Variants in DOCK1 observed in about 807,000 individuals in gnomAD.
DOCK1 encodes dedicator of cytokinesis 1.
DOCK1 carries 138 observed loss-of-function variants against 262.7 expected under a neutral mutation model. That is an observed-to-expected ratio of 0.53 (90% CI 0.46 to 0.61). The LOEUF is 0.61. Ranked by LOEUF, DOCK1 falls within the 20% of genes least tolerant of loss-of-function variation. The pLI, the probability that DOCK1 is intolerant of heterozygous loss-of-function variation, is 0.00. For missense variants in DOCK1, 1,908 were observed against 2,370.7 expected (o/e 0.80, Z 4.05); for synonymous variants, 866 against 867.4 (o/e 1.00, Z 0.03).
chr10:127,049,491 A>G (rs747929822), intron 21 of DOCK1, among the ~76,000 whole-genome samples: 6 of 152,328 alleles, frequency 3.9e-5, no homozygotes, highest in Non-Finnish European at 8.8e-5. Context: ...ACTGCACGCC[A>G]GCCTGAGTGA....
chr10:127,380,857 C>T (rs983887204), intron 36 of DOCK1, among the ~76,000 whole-genome samples: 2 of 152,188 alleles, frequency 1.3e-5, no homozygotes, highest in Admixed American at 1.3e-4. Flanking sequence ...AATTTAATAA[C>T]TCAGTTACCT....
intron 29 of DOCK1, among the ~76,000 whole-genome samples, chr10:127,285,945 G>C (rs559023866): frequency 2.0e-4 from 31 of 152,182 alleles, no homozygotes; most frequent in Non-Finnish European, 3.4e-4. Flanking sequence ...CGAGCCTGAG[G>C]CTGGCTCCCC....
In DOCK1 at chr10:127,232,892, C is replaced by A. The variant is rs188269598; in HGVS notation, c.2848-15116C>A. Among the ~76,000 whole-genome samples the A allele has an allele frequency of 2.9e-3, 436 of 152,174 alleles. 2 individuals carry two copies. The highest frequency in any genetic ancestry group is 1.0e-2 in the African/African-American group (415 of 41,520). On this transcript the variant is annotated intron_variant, in intron 27 of 51. Transcript: ENST00000623213. ...TAGTACTACTTTGCGGATTTACCTCCCACTGCATGCTGTTAAGATCTCATC... is the reference window on the plus strand; with the variant it reads ...TAGTACTACTTTGCGGATTTACCTCACACTGCATGCTGTTAAGATCTCATC...
At position 127,264,965 on chromosome 10, in the gene DOCK1, G is replaced by A. The variant is rs557084935; in HGVS notation, c.3044+7536G>A. ...ATTACAGGCATGAGCCACCACACCC[G>A]GCCATGATGTAGATCTTTATATAGG... On this transcript the variant is annotated intron_variant, in intron 29 of 51. Transcript: ENST00000623213. Among the ~76,000 whole-genome samples, 83 of 152,272 alleles carry A rather than the reference G, an allele frequency of 5.5e-4. 1 individual carries two copies. Among genetic ancestry groups the A allele is most frequent in the African/African-American group, 1.7e-3 (72 of 41,576 alleles).
intron 1 of DOCK1, among the ~76,000 whole-genome samples, chr10:126,911,106 T>A (rs1268470962): frequency 6.6e-6 from 1 of 152,200 alleles, no homozygotes; most frequent in Non-Finnish European, 1.5e-5. Flanking sequence ...ATGTTTAGCT[T>A]TTTAAGAAAC....
intron 29 of DOCK1, among the ~76,000 whole-genome samples, chr10:127,259,629 C>A (rs2059946238): frequency 6.6e-6 from 1 of 152,124 alleles, no homozygotes; most frequent in East Asian, 1.9e-4. Context: ...CCCAGCAGAG[C>A]AGCACGTCCT....
At chr10:126,919,068 G>A (rs948078031) in intron 1 of DOCK1, among the ~76,000 whole-genome samples, 5 of 152,082 alleles carry the variant, frequency 3.3e-5, no homozygotes, top group African/African-American at 1.2e-4. Context: ...CCTTCTGAGA[G>A]ACAAACATGA....
rs962415278 is a variant in DOCK1 at position 127,012,511 on chromosome 10, T to A, written c.1201+137T>A. The A allele has an allele frequency of 2.6e-6, 2 of 763,568 alleles. No individual in the cohort carries two copies. The highest frequency in any genetic ancestry group is 2.6e-4 in the Middle Eastern group (1 of 3,918). 47.3% of individuals were successfully genotyped at this position (763,568 alleles called of 1,614,324 possible). A position where few individuals can be genotyped will look rare whatever the true frequency, so the allele number is the denominator to read the frequency against. ...GGATGACAGTGATCGTGGTGGAGAA[T>A]GTGTGTGACAGTTGCCCCTGTGTAC... On this transcript the variant is annotated intron_variant, in intron 12 of 51. Transcript: ENST00000623213. This position sits in a 1 kb window ranked among gnomAD's most constrained non-coding sequence, Gnocchi z 4.0.
At chr10:127,115,627 A>G (rs572523893) in intron 25 of DOCK1, among the ~76,000 whole-genome samples, 1 of 152,392 alleles carries the variant, frequency 6.6e-6, no homozygotes, top group East Asian at 1.9e-4. Flanking sequence ...ATTAAACACT[A>G]GAACACTGAC....
chr10:127,251,268 C>T (rs895323816), intron 28 of DOCK1, among the ~76,000 whole-genome samples: 9 of 152,204 alleles, frequency 5.9e-5, no homozygotes, highest in African/African-American at 2.2e-4. Flanking sequence ...CATGAGCCAC[C>T]ACGCCCGGCT....
chr10:127,243,684 G>A (rs1040801272), intron 27 of DOCK1, among the ~76,000 whole-genome samples: 10 of 152,160 alleles, frequency 6.6e-5, no homozygotes, highest in African/African-American at 1.9e-4. Flanking sequence ...CCCTCCAGGA[G>A]CAGTGCCAGG....
chr10:127,452,242 T>G lies in DOCK1; in HGVS notation c.*815T>G, dbSNP rs2071009713. The stretch of plus-strand genomic sequence containing the variant: ...ATTTTTGTGGTCCTTCCGTTTATTA[T>G]AATAGGCGTCCACCAATGATTATCC... On this transcript the variant is annotated 3_prime_UTR_variant, in exon 52 of 52. Coordinates refer to ENST00000623213, the MANE Select transcript of DOCK1 (RefSeq NM_001290223.2). The G allele has an allele frequency of 6.6e-6, 1 of 152,556 alleles. No individual in the cohort carries two copies. Among genetic ancestry groups the G allele is most frequent in the African/African-American group, 2.4e-5 (1 of 41,428 alleles). The allele number at this position is 152,556 out of a possible 1,614,324, so 9.5% of individuals were successfully genotyped here.
At chr10:127,182,859 G>A (rs539160840) in intron 27 of DOCK1, among the ~76,000 whole-genome samples, 2 of 152,076 alleles carry the variant, frequency 1.3e-5, no homozygotes, top group East Asian at 1.9e-4. Context: ...CTTTAGTTAC[G>A]ATAGCAGGTG....
chr10:126,978,516 C>G (rs1244738440), intron 3 of DOCK1, among the ~76,000 whole-genome samples: 1 of 152,134 alleles, frequency 6.6e-6, no homozygotes, highest in East Asian at 1.9e-4. Context: ...TGTAATTACA[C>G]CTCGGATCAT....
intron 29 of DOCK1, among the ~76,000 whole-genome samples, chr10:127,288,007 G>C (rs944652995): frequency 4.6e-5 from 7 of 152,270 alleles, no homozygotes; most frequent in Middle Eastern, 6.8e-3. Flanking sequence ...TACCCTGAGA[G>C]TGTTTATTAA....
At chr10:127,011,936 C>T (rs2041485466) in intron 11 of DOCK1, among the ~76,000 whole-genome samples, 1 of 152,152 alleles carries the variant, frequency 6.6e-6, no homozygotes, top group Non-Finnish European at 1.5e-5. Flanking sequence ...TTCAGACAAG[C>T]TCCTTTTTTT....
chr10:127,140,450 C>T (rs2051120645), intron 27 of DOCK1, among the ~76,000 whole-genome samples: 1 of 152,212 alleles, frequency 6.6e-6, no homozygotes, highest in African/African-American at 2.4e-5. Flanking sequence ...GGTCCGCCCC[C>T]CAGCCCATCT....
chr10:127,231,796 A>G (rs1252141562), intron 27 of DOCK1, among the ~76,000 whole-genome samples: 2 of 152,054 alleles, frequency 1.3e-5, no homozygotes, highest in African/African-American at 2.4e-5. Flanking sequence ...TTGCCTTTTA[A>G]TGTTCTTTCA....
intron 23 of DOCK1, among the ~76,000 whole-genome samples, chr10:127,098,536 C>G (rs1364728418): frequency 2.0e-5 from 3 of 152,138 alleles, no homozygotes; most frequent in Admixed American, 2.0e-4. Context: ...CCCACAGCCC[C>G]TTGAGGCAGG....
Sources: gnomAD v4.1 joint callset for allele counts (sites outside exome capture counted in the v4.1 genomes callset) on GRCh38, gnomAD v4.1.1 for gene constraint, Gnocchi (gnomAD v3.1) non-coding constraint, MANE v1.5 for transcripts, NCBI Gene and HGNC (gene_info 2026-07-23, HGNC 2026-07-21) for gene names.